The following GNA12 variants were observed in gnomAD, a reference collection of about 807,000 sequenced individuals.
GNA12 encodes G protein subunit alpha 12.
A neutral mutation model predicts 26.0 loss-of-function variants in GNA12; 9 were observed. The ratio of observed to expected loss-of-function variants is 0.35; its 90% CI spans 0.21 to 0.60. The LOEUF is 0.60. Ranked by LOEUF, GNA12 falls within the 20% of genes least tolerant of loss-of-function variation. GNA12 has a pLI of 0.78. For missense variants in GNA12, 405 were observed against 525.8 expected (o/e 0.77, Z 2.25); for synonymous variants, 264 against 219.6 (o/e 1.20, Z -1.79).
chr7:2,740,918 G>A (rs1790466212), intron 2 of GNA12, among the ~76,000 whole-genome samples: 2 of 152,140 alleles, frequency 1.3e-5, no homozygotes, highest in South Asian at 4.1e-4. Flanking sequence ...GGTGGCAGGT[G>A]CCTGTAGTCC....
chr7:2,795,483 A>G (rs1054498901), intron 1 of GNA12, among the ~76,000 whole-genome samples: 1 of 152,004 alleles, frequency 6.6e-6, no homozygotes, highest in African/African-American at 2.4e-5. Context: ...ATTAAATCAA[A>G]TTAAAAACAG....
chr7:2,789,991 T>C, intron 2 of GNA12, among the ~76,000 whole-genome samples: 1 of 152,216 alleles, frequency 6.6e-6, no homozygotes, highest in East Asian at 1.9e-4. Context: ...TGTGCTTGCA[T>C]CCACGTGCAT....
At chr7:2,739,985 T>C (rs757957406) in intron 2 of GNA12, among the ~76,000 whole-genome samples, 1 of 152,146 alleles carries the variant, frequency 6.6e-6, no homozygotes, top group Non-Finnish European at 1.5e-5. Context: ...CCTTTGGTAA[T>C]TCTGTGCTTA....
At chr7:2,799,209 T>C (rs1792750471) in intron 1 of GNA12, among the ~76,000 whole-genome samples, 1 of 152,094 alleles carries the variant, frequency 6.6e-6, no homozygotes, top group African/African-American at 2.4e-5. Context: ...AGCTATGAAC[T>C]GGGAGAAAAT....
At chr7:2,837,296 G>A (rs1778865889) in intron 1 of GNA12, among the ~76,000 whole-genome samples, 1 of 152,206 alleles carries the variant, frequency 6.6e-6, no homozygotes, top group Admixed American at 6.5e-5. Context: ...CCAGAGGGGA[G>A]CTGATGTTCC....
intron 1 of GNA12, among the ~76,000 whole-genome samples, chr7:2,798,340 A>G (rs1792729310): frequency 6.6e-6 from 1 of 152,272 alleles, no homozygotes; most frequent in African/African-American, 2.4e-5. Context: ...GAATAGTTGC[A>G]GGATATAATG....
intron 1 of GNA12, among the ~76,000 whole-genome samples, chr7:2,828,574 C>T (rs147840156): frequency 1.3e-5 from 2 of 152,294 alleles, no homozygotes; most frequent in African/African-American, 2.4e-5. Context: ...GTGTTGTCTA[C>T]CAAGCTGGCT....
intron 2 of GNA12, among the ~76,000 whole-genome samples, chr7:2,734,876 C>T (rs1228825606): frequency 6.6e-6 from 1 of 152,192 alleles, no homozygotes; most frequent in African/African-American, 2.4e-5. Context: ...CCCAGCTCTG[C>T]AGTAGGGAAG....
chr7:2,840,298 G>A (rs1038329689), intron 1 of GNA12, among the ~76,000 whole-genome samples: 11 of 152,166 alleles, frequency 7.2e-5, no homozygotes, highest in Non-Finnish European at 1.3e-4. Flanking sequence ...TCCTAGCTCT[G>A]CCATCTGCTA....
chr7:2,835,348 T>C (rs17132744), intron 1 of GNA12, among the ~76,000 whole-genome samples: 18,124 of 152,142 alleles, frequency 0.12, 1,180 homozygotes, highest in Middle Eastern at 0.21. Flanking sequence ...ATCTGTAGAA[T>C]TAGAAAAATA....
chr7:2,827,451 C>T (rs1034972424), intron 1 of GNA12, among the ~76,000 whole-genome samples: 3 of 152,204 alleles, frequency 2.0e-5, no homozygotes, highest in African/African-American at 7.2e-5. Context: ...AACGAAACTT[C>T]AGCTGGTCAG....
rs190874371 is a variant in GNA12 at position 2,750,863 on chromosome 7, G to A, written c.526-17362C>T. Among the ~76,000 whole-genome samples, 7 of 152,270 alleles carry A rather than the reference G, an allele frequency of 4.6e-5. No individual in the cohort carries two copies. In the East Asian group the frequency reaches 1.4e-3, roughly 29 times the overall value. ...GAAAGTTTTAGAGTTATCAGCTTGG[G>A]AACTGAAATAACTGATTAATATGAG... is the stretch of plus-strand genomic sequence containing the variant. On this transcript the variant is annotated intron_variant, in intron 2 of 3. Coordinates refer to ENST00000275364, the MANE Select transcript of GNA12 (RefSeq NM_007353.3).
chr7:2,729,416 T>A lies in GNA12; in HGVS notation c.*1765A>T, dbSNP rs1296940611. On this transcript the variant is annotated 3_prime_UTR_variant, in exon 4 of 4. Coordinates refer to ENST00000275364, the MANE Select transcript of GNA12 (RefSeq NM_007353.3). ...GGTCTGTGAAGAGCCACAGAAGCAG[T>A]ACAAAAACAGCGACTTCTTTATCCA... 1 of 152,322 alleles carries A rather than the reference T, an allele frequency of 6.6e-6. No homozygotes were observed. Among genetic ancestry groups the A allele is most frequent in the Non-Finnish European group, 1.5e-5 (1 of 68,072 alleles). 9.4% of individuals were successfully genotyped at this position (152,322 alleles called of 1,614,324 possible).
intron 2 of GNA12, among the ~76,000 whole-genome samples, chr7:2,760,607 AAG>A (rs1424498215): frequency 2.0e-5 from 3 of 152,162 alleles, no homozygotes; most frequent in African/African-American, 7.2e-5. Context: ...AGAGCCTGTG[AAG>A]ACTTTCCACA....
At chr7:2,752,205 A>G (rs1381345572) in intron 2 of GNA12, among the ~76,000 whole-genome samples, 6 of 152,222 alleles carry the variant, frequency 3.9e-5, no homozygotes, top group East Asian at 1.9e-4. Flanking sequence ...ATAGATGCAG[A>G]AAAAAAGCAT....
At chr7:2,779,122 G>T (rs946779863) in intron 2 of GNA12, among the ~76,000 whole-genome samples, 1 of 152,160 alleles carries the variant, frequency 6.6e-6, no homozygotes, top group African/African-American at 2.4e-5. Context: ...ATTCTGGGAG[G>T]CCAAGGCGGG....
intron 2 of GNA12, among the ~76,000 whole-genome samples, chr7:2,791,860 A>AT (rs1310245580): frequency 6.6e-6 from 1 of 151,972 alleles, no homozygotes; most frequent in Non-Finnish European, 1.5e-5. Context: ...ATGCTCCATC[A>AT]TTTTTTTTGA....
chr7:2,732,451 CAGG>C (rs1376805139), intron 3 of GNA12, among the ~76,000 whole-genome samples: 2 of 152,160 alleles, frequency 1.3e-5, no homozygotes, highest in African/African-American at 2.4e-5. Flanking sequence ...GAGGCCGAGA[CAGG>C]AGGATCATTT....
chr7:2,746,184 C>T (rs1468324023), intron 2 of GNA12, among the ~76,000 whole-genome samples: 3 of 152,196 alleles, frequency 2.0e-5, no homozygotes, highest in East Asian at 3.8e-4. Context: ...TAGACATCTA[C>T]GGAACTCTCC....
Sources: gnomAD v4.1 joint callset for allele counts (sites outside exome capture counted in the v4.1 genomes callset) on GRCh38, gnomAD v4.1.1 for gene constraint, MANE v1.5 for transcripts, NCBI Gene and HGNC (gene_info 2026-07-23, HGNC 2026-07-21) for gene names.